Variants in MED12L observed in about 807,000 individuals in gnomAD.
The protein encoded by MED12L is mediator complex subunit 12L.
Under a neutral mutation model 281.3 loss-of-function variants are expected in MED12L, and 60 were observed. That is an observed-to-expected ratio of 0.21 (90% CI 0.17 to 0.26). The LOEUF is 0.26. MED12L is among the 10% of genes least tolerant of loss of function. MED12L has a pLI of 1.00. For synonymous variants in MED12L, 974 were observed against 987.2 expected, an observed-to-expected ratio of 0.99 and a Z score of 0.25; for missense variants, 2,146 against 2,680.9, an observed-to-expected ratio of 0.80 and a Z score of 4.41.
At chr3:151,380,040 G>A (rs772330526) in intron 31 of MED12L, 73 bp from the exon 32 acceptor site, 2 of 959,748 alleles carry the variant, frequency 2.1e-6, no homozygotes, top group South Asian at 3.4e-5. Flanking sequence ...GTGAGGCAAA[G>A]AAATGAATGT....
intron 16 of MED12L, among the ~76,000 whole-genome samples, chr3:151,237,128 G>A (rs903363807): frequency 5.5e-5 from 8 of 144,490 alleles, no homozygotes; most frequent in Admixed American, 2.2e-4. Context: ...TGCAACCTCC[G>A]TTTCCCAGGT....
At chr3:151,341,127 C>G (rs1024793495) in intron 16 of MED12L, among the ~76,000 whole-genome samples, 5 of 152,092 alleles carry the variant, frequency 3.3e-5, no homozygotes, top group African/African-American at 1.2e-4. Flanking sequence ...GTGTACAACA[C>G]TGGGTGATGT....
intron 16 of MED12L, among the ~76,000 whole-genome samples, chr3:151,298,248 G>A (rs900910934): frequency 6.6e-6 from 1 of 152,144 alleles, no homozygotes; most frequent in Admixed American, 6.5e-5. Flanking sequence ...ATATTGACCA[G>A]TAAAAGTGAA....
At chr3:151,397,362 G>A (rs541039195) in intron 39 of MED12L, among the ~76,000 whole-genome samples, 1 of 152,222 alleles carries the variant, frequency 6.6e-6, no homozygotes, top group East Asian at 1.9e-4. Flanking sequence ...ATTCTTAAAG[G>A]AAGAGAAATG....
At chr3:151,324,366 C>T (rs528980046) in intron 16 of MED12L, among the ~76,000 whole-genome samples, 8 of 152,194 alleles carry the variant, frequency 5.3e-5, no homozygotes, top group African/African-American at 1.4e-4. Context: ...TGGTTACTAC[C>T]CACACAGAAA....
Position 151,365,279 on chromosome 3 carries a change from C to T in MED12L, c.3185+73C>T, listed in dbSNP as rs16863337. ...CTTGGTGCTTCTTTGAAATTGATGT[C>T]GTTAGTAAGTGTCTGGACTCACATT... On this transcript the variant is annotated intron_variant, in intron 22 of 44. Transcript: ENST00000687756. The T allele has an allele frequency of 0.017, 21,434 of 1,254,800 alleles. 2,541 individuals are homozygous for T. The African/African-American group carries it at 0.26, about 15-fold the overall frequency. The allele number at this position is 1,254,800 out of a possible 1,614,324, so 77.7% of individuals were successfully genotyped here. A position where few individuals can be genotyped will look rare whatever the true frequency, so the allele number is the denominator to read the frequency against.
At chr3:151,394,493 A>C (rs1714700621) in intron 38 of MED12L, among the ~76,000 whole-genome samples, 163 bp from the exon 39 acceptor site, 1 of 152,256 alleles carries the variant, frequency 6.6e-6, no homozygotes, top group South Asian at 2.1e-4. Flanking sequence ...TAAGTTATGC[A>C]ACTCAACAGG....
intron 27 of MED12L, among the ~76,000 whole-genome samples, chr3:151,373,800 G>T (rs898050510): frequency 6.6e-6 from 1 of 151,980 alleles, no homozygotes; most frequent in Non-Finnish European, 1.5e-5. Context: ...GGCCCATGTT[G>T]TACTTTCTCT....
chr3:151,380,661 A>G (rs180985519), intron 32 of MED12L, among the ~76,000 whole-genome samples: 305 of 152,240 alleles, frequency 2.0e-3, no homozygotes, highest in Non-Finnish European at 3.0e-3. Flanking sequence ...CTGAGAAACA[A>G]TCCATGCCTT....
intron 39 of MED12L, among the ~76,000 whole-genome samples, chr3:151,396,017 A>G (rs192987675): frequency 4.0e-4 from 61 of 152,340 alleles, no homozygotes; most frequent in Non-Finnish European, 7.5e-4. Context: ...AGCAACAGTC[A>G]TCACCATGTG....
rs1328855858 is a variant in MED12L at position 151,086,966 on chromosome 3, C to A, written c.40C>A (p.Leu14Met). ...FGLLSYEQRP[L>M]KRPRLGPPDV... is the part of the protein sequence containing the mutation. Reference sequence around the variant, plus strand: ...GCTTCTCAGCTATGAGCAGAGACCGCTGAAGCGCCCCCGGCTCGGGCCGCC... The same window carrying A: ...GCTTCTCAGCTATGAGCAGAGACCGATGAAGCGCCCCCGGCTCGGGCCGCC... Residue 14 changes from leucine (L) to methionine (M), a missense_variant, in exon 2 of 45, where the codon CTG (leucine) becomes ATG (methionine). By Grantham distance (15) the Leu-to-Met change is conservative. Coordinates refer to ENST00000687756, the MANE Select transcript of MED12L (RefSeq NM_001393769.1). 2 of 1,610,220 alleles carry A rather than the reference C, an allele frequency of 1.2e-6. No individual in the cohort carries two copies.
intron 16 of MED12L, among the ~76,000 whole-genome samples, chr3:151,345,463 T>C (rs942797660): frequency 6.6e-6 from 1 of 152,092 alleles, no homozygotes; most frequent in African/African-American, 2.4e-5. Flanking sequence ...TTTATTCTCA[T>C]TTGTTATGAA....
intron 34 of MED12L, 75 bp downstream of exon 34, chr3:151,383,963 TCTG>T (rs1293836216): frequency 6.1e-6 from 9 of 1,480,392 alleles, no homozygotes; most frequent in Non-Finnish European, 7.4e-6. Flanking sequence ...GATGGCGATT[TCTG>T]CCACATCTTA....
At chr3:151,295,260 C>T (rs756881154) in intron 16 of MED12L, 3 of 1,302,270 alleles carry the variant, frequency 2.3e-6, no homozygotes, top group Non-Finnish European at 3.2e-6. Flanking sequence ...CAAGCATGCC[C>T]ACAGGCTACT....
chr3:151,160,138 C>A, intron 8 of MED12L, 37 bp downstream of exon 8: 1 of 1,472,934 alleles, frequency 6.8e-7, no homozygotes, highest in Non-Finnish European at 9.0e-7. Flanking sequence ...TGTTAAAATT[C>A]AATGTGGGAA....
chr3:151,341,923 C>A (rs920019028), intron 16 of MED12L, among the ~76,000 whole-genome samples: 11 of 152,074 alleles, frequency 7.2e-5, no homozygotes, highest in African/African-American at 2.7e-4. Flanking sequence ...TTTTTTATGG[C>A]TGCATAGTAT....
intron 16 of MED12L, among the ~76,000 whole-genome samples, chr3:151,243,421 G>A (rs1312228522): frequency 6.5e-4 from 2 of 3,070 alleles, no homozygotes; most frequent in Non-Finnish European, 1.0e-3. Flanking sequence ...GGATCTCTCG[G>A]CAGAAACCCT....
intron 16 of MED12L, among the ~76,000 whole-genome samples, chr3:151,279,879 A>T (rs544097705): frequency 6.6e-6 from 1 of 152,232 alleles, no homozygotes; most frequent in African/African-American, 2.4e-5. Context: ...TGACAGTCTC[A>T]AAAACACCCA....
intron 16 of MED12L, among the ~76,000 whole-genome samples, chr3:151,225,499 ACG>A: frequency 6.6e-6 from 1 of 152,280 alleles, no homozygotes; most frequent in African/African-American, 2.4e-5. Flanking sequence ...TAATTTGCTC[ACG>A]AGGCCTTTGC....
Sources: allele counts gnomAD v4.1 joint callset (sites outside exome capture counted in the v4.1 genomes callset), GRCh38; gene constraint gnomAD v4.1.1; transcripts MANE v1.5; gene names NCBI Gene and HGNC (gene_info 2026-07-23, HGNC 2026-07-21).